KCNQ5: variants seen among roughly 807,000 people sequenced by gnomAD.
The protein encoded by KCNQ5 is potassium voltage-gated channel subfamily KQT member 5.
KCNQ5 carries 30 observed loss-of-function variants against 98.2 expected under a neutral mutation model. The ratio of observed to expected loss-of-function variants is 0.31; its 90% CI spans 0.23 to 0.41. The LOEUF (loss-of-function observed/expected upper bound fraction) is 0.41, where lower values mean the gene tolerates loss of function less well. Ranked by LOEUF, KCNQ5 falls within the 10% of genes least tolerant of loss-of-function variation. The pLI is 1.00. For missense variants in KCNQ5, 835 were observed against 1,182.5 expected, an observed-to-expected ratio of 0.71 and a Z score of 4.31; for synonymous variants, 458 against 449.4, an observed-to-expected ratio of 1.02 and a Z score of -0.24.
chr6:72,686,553 T>C (rs577020497), intron 1 of KCNQ5, among the ~76,000 whole-genome samples: 1 of 152,278 alleles, frequency 6.6e-6, no homozygotes, highest in South Asian at 2.1e-4. Context: ...TTCTTTGATA[T>C]AAGCTGTAAA....
intron 1 of KCNQ5, among the ~76,000 whole-genome samples, chr6:72,943,784 A>G (rs914353959): frequency 1.3e-5 from 2 of 152,256 alleles, no homozygotes; most frequent in Non-Finnish European, 2.9e-5. Context: ...TGGGAATGAT[A>G]TTAGTAACAC....
At chr6:72,772,682 G>T (rs913782744) in intron 1 of KCNQ5, among the ~76,000 whole-genome samples, 4 of 152,096 alleles carry the variant, frequency 2.6e-5, no homozygotes, top group African/African-American at 9.7e-5. Flanking sequence ...TGTATTGAAG[G>T]GCTGTGCAGC....
chr6:72,957,604 G>C (rs576860564), intron 1 of KCNQ5, among the ~76,000 whole-genome samples: 1 of 152,122 alleles, frequency 6.6e-6, no homozygotes. Flanking sequence ...CAGCCAGAAC[G>C]GAGAGCCACT....
intron 1 of KCNQ5, among the ~76,000 whole-genome samples, chr6:72,815,654 C>T (rs28537896): frequency 0.011 from 1,635 of 152,258 alleles, 25 homozygotes; most frequent in African/African-American, 0.036. Context: ...AGAGTAGTAG[C>T]ATGATCAGAT....
intron 1 of KCNQ5, among the ~76,000 whole-genome samples, chr6:72,736,600 C>T (rs932948804): frequency 1.4e-5 from 2 of 144,002 alleles, no homozygotes; most frequent in South Asian, 2.2e-4. Flanking sequence ...CCCGGGTTCA[C>T]GCCATTCTCC....
At chr6:73,055,937 A>G in intron 3 of KCNQ5, 1 of 446,142 alleles carries the variant, frequency 2.2e-6, no homozygotes, top group South Asian at 2.0e-5. Flanking sequence ...GACCACATCT[A>G]TAGACATCTT....
At chr6:72,795,912 T>G (rs1774309069) in intron 1 of KCNQ5, among the ~76,000 whole-genome samples, 1 of 152,102 alleles carries the variant, frequency 6.6e-6, no homozygotes, top group Non-Finnish European at 1.5e-5. Context: ...TGCTCACTAT[T>G]TCTCCTAATT....
Position 73,194,991 on chromosome 6 carries a change from G to A in KCNQ5, c.2376G>A (p.Gln792=). 6.2e-7 allele frequency: 1 copy of A among 1,614,194 alleles called. No homozygotes were observed. The highest frequency in any genetic ancestry group is 8.5e-7 in the Non-Finnish European group (1 of 1,180,048). ...TCLVASKENV[Q]VAQSNLTKDR... ...TTGTTGCCTCCAAGGAAAATGTTCA[G>A]GTTGCACAGTCAAATCTCACCAAGG... Residue 792 remains glutamine, a synonymous_variant, in exon 14 of 14, where the codon CAG becomes CAA. Coordinates refer to ENST00000370398, the MANE Select transcript of KCNQ5 (RefSeq NM_019842.4).
intron 1 of KCNQ5, among the ~76,000 whole-genome samples, chr6:72,806,548 A>G (rs1440551294): frequency 6.6e-6 from 1 of 152,232 alleles, no homozygotes; most frequent in Admixed American, 6.5e-5. Context: ...AAATAGCAAC[A>G]GACGAAGTAA....
chr6:72,854,782 G>GTGTA (rs1777457319), intron 1 of KCNQ5, among the ~76,000 whole-genome samples: 1 of 146,772 alleles, frequency 6.8e-6, no homozygotes, highest in Non-Finnish European at 1.5e-5. Flanking sequence ...GTGTGTGTGT[G>GTGTA]TGCGTGCGTA....
chr6:72,817,580 G>A (rs1339965658), intron 1 of KCNQ5, among the ~76,000 whole-genome samples: 2 of 152,152 alleles, frequency 1.3e-5, no homozygotes, highest in East Asian at 3.9e-4. Flanking sequence ...AAGGTTTCCT[G>A]ATAGCCTTGT....
At chr6:72,788,397 G>A (rs189947518) in intron 1 of KCNQ5, among the ~76,000 whole-genome samples, 54 of 152,228 alleles carry the variant, frequency 3.5e-4, no homozygotes, top group South Asian at 8.3e-4. Context: ...AATAGTATGC[G>A]GATGACTTAT....
chr6:73,095,152 G>A (rs1251716709), intron 5 of KCNQ5, among the ~76,000 whole-genome samples: 3 of 152,078 alleles, frequency 2.0e-5, no homozygotes, highest in South Asian at 2.1e-4. Context: ...TATGGAGTGC[G>A]TTAACTGAAA....
intron 1 of KCNQ5, among the ~76,000 whole-genome samples, chr6:72,962,206 T>A (rs912034181): frequency 7.8e-6 from 1 of 128,146 alleles, no homozygotes; most frequent in Admixed American, 8.0e-5. Context: ...TATATACATA[T>A]ATATATATAT....
intron 3 of KCNQ5, among the ~76,000 whole-genome samples, chr6:73,050,004 CATA>C (rs1046699059): frequency 6.6e-6 from 1 of 151,840 alleles, no homozygotes; most frequent in African/African-American, 2.4e-5. Flanking sequence ...ACCTGGGCAA[CATA>C]ATGAGACCCT....
intron 5 of KCNQ5, among the ~76,000 whole-genome samples, chr6:73,093,384 GT>G (rs1774337986): frequency 6.6e-6 from 1 of 151,516 alleles, no homozygotes; most frequent in South Asian, 2.1e-4. Flanking sequence ...TTTGTATTTT[GT>G]TTGTTTGTTT....
intron 1 of KCNQ5, among the ~76,000 whole-genome samples, chr6:72,763,958 A>G (rs145741853): frequency 2.6e-5 from 4 of 152,110 alleles, no homozygotes; most frequent in Non-Finnish European, 5.9e-5. Flanking sequence ...TAATGAAAAC[A>G]ACTTTTTTTG....
rs187215461 is a variant in KCNQ5, at chr6:72,632,919, A to G, written c.398+10332A>G. On this transcript the variant is annotated intron_variant, in intron 1 of 13. Transcript: ENST00000370398. The stretch of plus-strand genomic sequence containing the variant: ...TGAGTGTGTGTGTCTTTTTGGTATG[A>G]TGATCTATTTCCTTTGGGTATATAC... Among the ~76,000 whole-genome samples, 6 of 151,936 alleles carry G rather than the reference A, an allele frequency of 3.9e-5. No homozygotes were observed. In the East Asian group the frequency reaches 1.2e-3, roughly 29 times the overall value.
In KCNQ5 at chr6:72,858,247, C is replaced by T. The variant is rs16882946; in HGVS notation, c.399-145661C>T. ...AGAGAAAAATTTCACAGATGCTGAG[C>T]TATGCTTTAAAATTGTTTCTATATT... On this transcript the variant is annotated intron_variant, in intron 1 of 13. Coordinates refer to ENST00000370398, the MANE Select transcript of KCNQ5 (RefSeq NM_019842.4). 4.7e-3 allele frequency among the ~76,000 whole-genome samples: 709 copies of T among 152,142 alleles called. 11 individuals carry two copies. The highest frequency in any genetic ancestry group is 0.025 in the East Asian group (130 of 5,176).
Sources: allele counts gnomAD v4.1 joint callset (sites outside exome capture counted in the v4.1 genomes callset), GRCh38; gene constraint gnomAD v4.1.1; transcripts MANE v1.5; gene names NCBI Gene and HGNC (gene_info 2026-07-23, HGNC 2026-07-21).